The following ANO5 variants were observed in gnomAD, a reference collection of about 807,000 sequenced individuals.
ANO5 encodes the protein anoctamin 5, also known as anoctamin-5.
ANO5 carries 109 observed loss-of-function variants against 121.0 expected under a neutral mutation model. The observed-to-expected ratio is 0.90, with a 90% CI of 0.77 to 1.06. ANO5 has a LOEUF of 1.06. ANO5 is among the 50% of genes least tolerant of loss of function. The pLI, the probability that ANO5 is intolerant of heterozygous loss-of-function variation, is 0.00. For missense variants in ANO5, 1,064 were observed against 1,078.5 expected (o/e 0.99, Z 0.19); for synonymous variants, 406 against 359.9 (o/e 1.13, Z -1.45).
Position 22,276,181 on chromosome 11 carries a change from C to G in ANO5, c.2502C>G (p.Thr834=). ...QFWHVLAAKM[T]FIIVMEHVVF... is the part of the protein sequence containing the mutation. ...GGCATGTCCTTGCTGCCAAGATGACCTTCATCATTGTTATGGAAGTAAGCT... is the reference window on the plus strand; with the variant it reads ...GGCATGTCCTTGCTGCCAAGATGACGTTCATCATTGTTATGGAAGTAAGCT... The change falls in exon 21 of 22, where the codon ACC becomes ACG. Residue 834 remains threonine (T), a synonymous_variant. Coordinates refer to ENST00000324559, the MANE Select transcript of ANO5 (RefSeq NM_213599.3). 6.2e-7 allele frequency: 1 copy of G among 1,609,762 alleles called. No individual in the cohort carries two copies. The highest frequency in any genetic ancestry group is 1.1e-5 in the South Asian group (1 of 90,976).
At chr11:22,226,194 G>A in intron 6 of ANO5, 142 bp downstream of exon 6, 1 of 685,428 alleles carries the variant, frequency 1.5e-6, no homozygotes, top group Non-Finnish European at 2.6e-6. Flanking sequence ...GGGATGATAG[G>A]GCCTGTGGTC....
At chr11:22,273,398 A>G (rs1026270310) in intron 19 of ANO5, among the ~76,000 whole-genome samples, 4 of 152,170 alleles carry the variant, frequency 2.6e-5, no homozygotes, top group Non-Finnish European at 4.4e-5. Context: ...TTTACAATGC[A>G]TTTTCACCTA....
intron 10 of ANO5, among the ~76,000 whole-genome samples, 173 bp downstream of exon 10, chr11:22,250,544 T>C (rs546856665): frequency 6.6e-6 from 1 of 152,190 alleles, no homozygotes; most frequent in Admixed American, 6.5e-5. Context: ...TGGTGCTTTA[T>C]GGAAAATCTG....
chr11:22,273,033 G>T lies in ANO5; in HGVS notation c.2235+44G>T, dbSNP rs201711989. On this transcript the variant is annotated intron_variant, in intron 19 of 21. Transcript: ENST00000324559. Reference sequence around the variant, plus strand: ...GTGGGGTGACTTTGTATTTCATTTTGGGGGGTGTGGGGAGATGTGAATGAT... The same window carrying T: ...GTGGGGTGACTTTGTATTTCATTTTTGGGGGTGTGGGGAGATGTGAATGAT... 1.3e-4 allele frequency: 198 copies of T among 1,546,168 alleles called. 1 individual carries two copies. Among genetic ancestry groups the T allele is most frequent in the Non-Finnish European group, 6.3e-6 (7 of 1,119,162 alleles).
intron 13 of ANO5, among the ~76,000 whole-genome samples, chr11:22,256,799 T>C (rs1854015250): frequency 6.6e-6 from 1 of 152,072 alleles, no homozygotes. Context: ...CGACCAGAAC[T>C]GTCACATTTG....
In ANO5 at chr11:22,239,702, G is replaced by C; in HGVS notation, c.878+18G>C. On this transcript the variant is annotated intron_variant, in intron 9 of 21. Coordinates refer to ENST00000324559, the MANE Select transcript of ANO5 (RefSeq NM_213599.3). ...TTGATTAAGTAAGTTTCATACACAGGATCAGACCAATTAAAACTTGATAAT... is the reference window on the plus strand; with the variant it reads ...TTGATTAAGTAAGTTTCATACACAGCATCAGACCAATTAAAACTTGATAAT... 2 of 1,535,164 alleles carry C rather than the reference G, an allele frequency of 1.3e-6. No homozygotes were observed. The highest frequency in any genetic ancestry group is 1.8e-6 in the Non-Finnish European group (2 of 1,109,052).
At chr11:22,272,720 G>T in intron 18 of ANO5, 64 bp from the exon 19 acceptor site, 1 of 1,456,026 alleles carries the variant, frequency 6.9e-7, no homozygotes, top group Non-Finnish European at 9.6e-7. Flanking sequence ...GCAGGATTTG[G>T]GCAGGGTGTT....
chr11:22,232,986 A>G (rs970345884), intron 7 of ANO5, among the ~76,000 whole-genome samples: 11 of 152,084 alleles, frequency 7.2e-5, no homozygotes, highest in African/African-American at 1.7e-4. Flanking sequence ...TATGACGTAG[A>G]TAATACTCAT....
At chr11:22,237,457 C>T (rs951070154) in intron 8 of ANO5, among the ~76,000 whole-genome samples, 1 of 152,254 alleles carries the variant, frequency 6.6e-6, no homozygotes, top group African/African-American at 2.4e-5. Context: ...GTGGTGCAAT[C>T]TTGGCTCACT....
At position 22,251,900 on chromosome 11, in the gene ANO5, G is replaced by A. The variant is rs181799667; in HGVS notation, c.1180+889G>A. Among the ~76,000 whole-genome samples the A allele has an allele frequency of 1.2e-3, 184 of 151,666 alleles. 1 individual carries two copies. Among genetic ancestry groups the A allele is most frequent in the African/African-American group, 3.8e-3 (157 of 41,358 alleles). ...AAAAAATTAGCCAGGCGTGGTGGCAGGTGCCTGTAGTTCCAGCTACTTGGG... is the reference window on the plus strand; with the variant it reads ...AAAAAATTAGCCAGGCGTGGTGGCAAGTGCCTGTAGTTCCAGCTACTTGGG... On this transcript the variant is annotated intron_variant, in intron 12 of 21. Coordinates refer to ENST00000324559, the MANE Select transcript of ANO5 (RefSeq NM_213599.3).
At chr11:22,252,629 G>A (rs1014849083) in intron 12 of ANO5, among the ~76,000 whole-genome samples, 1 of 151,790 alleles carries the variant, frequency 6.6e-6, no homozygotes, top group Non-Finnish European at 1.5e-5. Flanking sequence ...ATTTTTTTCA[G>A]TTTGTAATTT....
At chr11:22,233,912 G>T (rs1853128042) in intron 7 of ANO5, among the ~76,000 whole-genome samples, 1 of 152,052 alleles carries the variant, frequency 6.6e-6, no homozygotes, top group Admixed American at 6.6e-5. Flanking sequence ...GTCTGCTTTT[G>T]CTTTCCCTGA....
At chr11:22,256,912 CAT>C (rs1481567058) in intron 13 of ANO5, among the ~76,000 whole-genome samples, 1 of 152,134 alleles carries the variant, frequency 6.6e-6, no homozygotes, top group Non-Finnish European at 1.5e-5. Flanking sequence ...TACACAGTGA[CAT>C]ATATGCCTAC....
At position 22,250,830 on chromosome 11, in the gene ANO5, C is replaced by T. The variant is rs760792371; in HGVS notation, c.1103C>T (p.Thr368Met). 12 of 1,613,874 alleles carry T rather than the reference C, an allele frequency of 7.4e-6. No individual in the cohort carries two copies. The East Asian group carries it at 1.3e-4, about 18-fold the overall frequency. Residue 368 changes from threonine to methionine, a missense_variant, in exon 11 of 22, where the codon ACG becomes ATG. Coordinates refer to ENST00000324559, the MANE Select transcript of ANO5 (RefSeq NM_213599.3). The stretch of plus-strand genomic sequence containing the variant: ...TGTGATTATTGGAGACTAAATAGTA[C>T]GTGTTTGGCTTCAAAGGTATGTATG... ...QVCDYWRLNS[T>M]CLASKFSHLF...
chr11:22,234,750 T>C (rs1035646074), intron 7 of ANO5, among the ~76,000 whole-genome samples: 2 of 152,152 alleles, frequency 1.3e-5, no homozygotes, highest in Non-Finnish European at 2.9e-5. Context: ...TTTGTTGTTA[T>C]TAACAGTTTC....
intron 9 of ANO5, among the ~76,000 whole-genome samples, chr11:22,242,399 T>C (rs1202411939): frequency 6.6e-6 from 1 of 152,142 alleles, no homozygotes; most frequent in African/African-American, 2.4e-5. Context: ...TCTATGTTAA[T>C]GTTAGAATAG....
intron 12 of ANO5, among the ~76,000 whole-genome samples, chr11:22,253,398 C>T (rs1444718438): frequency 6.6e-6 from 1 of 152,080 alleles, no homozygotes; most frequent in Admixed American, 6.6e-5. Flanking sequence ...CATTAACAAA[C>T]TTTGAGACAA....
chr11:22,222,663 G>A (rs143692148), intron 5 of ANO5, among the ~76,000 whole-genome samples: 174 of 143,182 alleles, frequency 1.2e-3, no homozygotes, highest in African/African-American at 4.0e-3. Flanking sequence ...TACATATCCC[G>A]CCAAGTCCCT....
chr11:22,272,937 G>GT lies in ANO5; in HGVS notation c.2184dup (p.Val729CysfsTer17), dbSNP rs773208515. The stretch of plus-strand genomic sequence containing the variant: ...GTAGCTTCTAAAGCTCATAGCATAG[G>GT]TGTTTGGCAAGACATTCTTTATGGA... On this transcript the variant is annotated frameshift_variant, in exon 19 of 22. Transcript: ENST00000324559. LOFTEE classifies it high-confidence loss of function. 1 of 1,614,018 alleles carries GT rather than the reference G, an allele frequency of 6.2e-7. No individual in the cohort carries two copies. The highest frequency in any genetic ancestry group is 1.1e-5 in the South Asian group (1 of 91,058).
Sources: gnomAD v4.1 joint callset for allele counts (sites outside exome capture counted in the v4.1 genomes callset) on GRCh38, gnomAD v4.1.1 for gene constraint, MANE v1.5 for transcripts, NCBI Gene and HGNC (gene_info 2026-07-23, HGNC 2026-07-21) for gene names.